IQCM: variants seen among roughly 807,000 people sequenced by gnomAD.
IQCM encodes IQ motif containing M, also known as IQ domain-containing protein M.
IQCM carries 45 observed loss-of-function variants against 57.6 expected under a neutral mutation model. That is an observed-to-expected ratio of 0.78 (90% CI 0.62 to 1.00). The LOEUF (loss-of-function observed/expected upper bound fraction) is 1.00, where lower values mean the gene tolerates loss of function less well. IQCM is among the 50% of genes least tolerant of loss of function. The pLI, the probability that IQCM is intolerant of heterozygous loss-of-function variation, is 0.00. For synonymous variants in IQCM, 148 were observed against 158.9 expected (o/e 0.93, Z 0.51); for missense variants, 468 against 511.6 (o/e 0.91, Z 0.82).
chr4:149,666,846 C>T (rs1760774876), intron 7 of IQCM, among the ~76,000 whole-genome samples: 1 of 152,142 alleles, frequency 6.6e-6, no homozygotes, highest in African/African-American at 2.4e-5. Context: ...CACAGCACCA[C>T]AAAGCCACTG....
At chr4:149,476,847 T>C (rs996530047) in intron 12 of IQCM, among the ~76,000 whole-genome samples, 3 of 152,174 alleles carry the variant, frequency 2.0e-5, no homozygotes, top group African/African-American at 7.2e-5. Context: ...CTCAGATCAG[T>C]GGCACTGAGT....
At chr4:149,437,226 A>G (rs1289503626) in intron 12 of IQCM, among the ~76,000 whole-genome samples, 2 of 152,040 alleles carry the variant, frequency 1.3e-5, no homozygotes, top group African/African-American at 4.8e-5. Context: ...TCCCGTTGCT[A>G]TCACCCTTCC....
chr4:149,787,976 A>T (rs193246551), intron 2 of IQCM, among the ~76,000 whole-genome samples: 1 of 152,352 alleles, frequency 6.6e-6, no homozygotes, highest in African/African-American at 2.4e-5. Flanking sequence ...AACACCTCAC[A>T]GGAAAAAAAC....
At chr4:149,465,055 TA>T (rs1282520822) in intron 12 of IQCM, among the ~76,000 whole-genome samples, 4 of 152,154 alleles carry the variant, frequency 2.6e-5, no homozygotes, top group Non-Finnish European at 5.9e-5. Context: ...TGTATGACAC[TA>T]ACCAGCTTAC....
At chr4:149,441,918 C>T (rs1306845929) in intron 12 of IQCM, among the ~76,000 whole-genome samples, 2 of 152,038 alleles carry the variant, frequency 1.3e-5, no homozygotes, top group Admixed American at 6.6e-5. Context: ...AGGTTCAGCC[C>T]TTTTTGTGCC....
At chr4:149,649,945 T>C (rs575132425) in intron 7 of IQCM, among the ~76,000 whole-genome samples, 14 of 152,310 alleles carry the variant, frequency 9.2e-5, no homozygotes, top group African/African-American at 3.4e-4. Context: ...ACAATGTTTG[T>C]GTTTTTTAAA....
At chr4:149,814,929 A>C (rs1005214905) in intron 2 of IQCM, among the ~76,000 whole-genome samples, 5 of 151,982 alleles carry the variant, frequency 3.3e-5, no homozygotes, top group Non-Finnish European at 7.4e-5. Context: ...GTTCAAGAGC[A>C]CTCTAAAAAT....
At chr4:149,639,044 T>C (rs1561091385) in intron 7 of IQCM, among the ~76,000 whole-genome samples, 5 of 152,222 alleles carry the variant, frequency 3.3e-5, no homozygotes. Flanking sequence ...AAAGGGAACT[T>C]TCTAACGTGA....
chr4:149,766,057 T>C (rs2149976203), intron 2 of IQCM, among the ~76,000 whole-genome samples: 1 of 152,186 alleles, frequency 6.6e-6, no homozygotes, highest in Non-Finnish European at 1.5e-5. Context: ...TATCTCCCAT[T>C]CTTCAACTCA....
At chr4:149,515,725 C>G (rs1744888560) in intron 12 of IQCM, among the ~76,000 whole-genome samples, 1 of 152,152 alleles carries the variant, frequency 6.6e-6, no homozygotes, top group African/African-American at 2.4e-5. Flanking sequence ...GGAAAAATAA[C>G]CAGATGAGCA....
At chr4:149,413,010 C>T (rs565509307) in intron 13 of IQCM, among the ~76,000 whole-genome samples, 1 of 152,130 alleles carries the variant, frequency 6.6e-6, no homozygotes, top group Non-Finnish European at 1.5e-5. Flanking sequence ...TCTCTAAAAT[C>T]TTTTATTGTT....
intron 13 of IQCM, 94 bp downstream of exon 13, chr4:149,433,302 T>C (rs1356125201): frequency 1.9e-6 from 1 of 525,174 alleles, no homozygotes; most frequent in African/African-American, 2.0e-5. Context: ...CTATGTATCA[T>C]CCCACATCAT....
intron 12 of IQCM, among the ~76,000 whole-genome samples, chr4:149,441,735 G>C (rs1427166756): frequency 1.3e-5 from 2 of 152,130 alleles, no homozygotes; most frequent in Non-Finnish European, 2.9e-5. Context: ...CATTAGACAA[G>C]AGACTTCTCC....
intron 12 of IQCM, among the ~76,000 whole-genome samples, chr4:149,521,552 T>C (rs988329413): frequency 6.6e-6 from 1 of 152,228 alleles, no homozygotes; most frequent in Non-Finnish European, 1.5e-5. Flanking sequence ...TGTCAAAATG[T>C]AATCCAGATG....
intron 10 of IQCM, among the ~76,000 whole-genome samples, chr4:149,558,360 G>A (rs1749783956): frequency 6.6e-6 from 1 of 152,056 alleles, no homozygotes; most frequent in Admixed American, 6.6e-5. Context: ...ATCCCTCCTG[G>A]CCCCAAAATG....
At chr4:149,375,327 C>A (rs1413740607) in intron 13 of IQCM, among the ~76,000 whole-genome samples, 1 of 152,196 alleles carries the variant, frequency 6.6e-6, no homozygotes, top group African/African-American at 2.4e-5. Flanking sequence ...TCTGATATTT[C>A]TGCTCTTGTC....
chr4:149,625,171 C>T (rs1756687706), intron 7 of IQCM, among the ~76,000 whole-genome samples: 1 of 152,168 alleles, frequency 6.6e-6, no homozygotes, highest in African/African-American at 2.4e-5. Context: ...TGAATTCCAT[C>T]TGTTACATTA....
chr4:149,739,258 T>C (rs1767224418), intron 3 of IQCM, among the ~76,000 whole-genome samples: 1 of 152,128 alleles, frequency 6.6e-6, no homozygotes, highest in South Asian at 2.1e-4. Context: ...ATGAACCTTA[T>C]TGTCTTAAGC....
At chr4:149,647,640 T>G (rs1354600916) in intron 7 of IQCM, among the ~76,000 whole-genome samples, 1 of 152,128 alleles carries the variant, frequency 6.6e-6, no homozygotes, top group Non-Finnish European at 1.5e-5. Context: ...TCTTTTTTTC[T>G]TCTCTTTTTG....
Sources: gnomAD v4.1 joint callset for allele counts (sites outside exome capture counted in the v4.1 genomes callset) on GRCh38, gnomAD v4.1.1 for gene constraint, MANE v1.5 for transcripts, NCBI Gene and HGNC (gene_info 2026-07-23, HGNC 2026-07-21) for gene names.